Variants in PRKG1 observed in about 807,000 individuals in gnomAD.
PRKG1 encodes protein kinase cGMP-dependent 1.
Under a neutral mutation model 88.1 loss-of-function variants are expected in PRKG1, and 35 were observed. The ratio of observed to expected loss-of-function variants is 0.40; its 90% CI spans 0.30 to 0.53. The LOEUF is 0.53. Ranked by LOEUF, PRKG1 falls within the 20% of genes least tolerant of loss-of-function variation. The pLI, the probability that PRKG1 is intolerant of heterozygous loss-of-function variation, is 0.59. For synonymous variants in PRKG1, 303 were observed against 292.5 expected (o/e 1.04, Z -0.37); for missense variants, 540 against 839.8 (o/e 0.64, Z 4.41).
At chr10:51,701,068 G>A (rs530005193) in intron 3 of PRKG1, among the ~76,000 whole-genome samples, 79 of 152,052 alleles carry the variant, frequency 5.2e-4, no homozygotes, top group African/African-American at 1.8e-3. Context: ...TTTATAAGTC[G>A]AAATGTAATA....
At chr10:52,288,507 A>G (rs1265917512) in intron 14 of PRKG1, among the ~76,000 whole-genome samples, 1 of 152,146 alleles carries the variant, frequency 6.6e-6, no homozygotes, top group Non-Finnish European at 1.5e-5. Context: ...AGAAAGCAAG[A>G]GAAGAGCAGA....
intron 3 of PRKG1, among the ~76,000 whole-genome samples, chr10:51,586,060 C>A (rs551087433): frequency 1.8e-4 from 28 of 152,180 alleles, no homozygotes; most frequent in African/African-American, 6.3e-4. Flanking sequence ...ATCAATGATA[C>A]CCCAAGCCTC....
intron 12 of PRKG1, among the ~76,000 whole-genome samples, chr10:52,279,731 T>G (rs374748880): frequency 1.0e-3 from 152 of 152,282 alleles, no homozygotes; most frequent in African/African-American, 3.4e-3. Flanking sequence ...TATCATTTGT[T>G]GTACACTGTC....
At chr10:52,149,753 A>G (rs1490195047) in intron 8 of PRKG1, among the ~76,000 whole-genome samples, 3 of 152,176 alleles carry the variant, frequency 2.0e-5, no homozygotes, top group Admixed American at 2.0e-4. Context: ...GCATTTTGTT[A>G]TGGCAGCCTC....
At chr10:51,929,347 T>TC (rs1491184161) in intron 5 of PRKG1, among the ~76,000 whole-genome samples, 2 of 46,914 alleles carry the variant, frequency 4.3e-5, no homozygotes, top group Non-Finnish European at 1.2e-4. Flanking sequence ...AATTCCTTCC[T>TC]TTTTTTTTTT....
intron 5 of PRKG1, among the ~76,000 whole-genome samples, chr10:52,006,084 AAAAC>A (rs935190264): frequency 1.5e-4 from 13 of 88,148 alleles, no homozygotes; most frequent in African/African-American, 5.0e-4. Context: ...AAAAGAAAAC[AAAAC>A]AAACAAACAA....
At chr10:51,586,002 G>T (rs1367850692) in intron 3 of PRKG1, among the ~76,000 whole-genome samples, 1 of 152,060 alleles carries the variant, frequency 6.6e-6, no homozygotes, top group East Asian at 1.9e-4. Flanking sequence ...AGAGGACAAG[G>T]TTCAAAAGCT....
chr10:51,728,259 G>C (rs578080135), intron 3 of PRKG1, among the ~76,000 whole-genome samples: 4 of 151,990 alleles, frequency 2.6e-5, no homozygotes, highest in African/African-American at 9.6e-5. Flanking sequence ...GTTTGCAACT[G>C]TACTAAGATA....
intron 3 of PRKG1, among the ~76,000 whole-genome samples, chr10:51,689,162 T>A (rs1310948261): frequency 6.6e-6 from 1 of 152,142 alleles, no homozygotes; most frequent in Admixed American, 6.5e-5. Flanking sequence ...AGTTTCTGAG[T>A]CTGGGGTATG....
intron 2 of PRKG1, among the ~76,000 whole-genome samples, chr10:51,264,369 G>A (rs1394208760): frequency 6.6e-6 from 1 of 152,126 alleles, no homozygotes; most frequent in Non-Finnish European, 1.5e-5. Flanking sequence ...TTCATATATT[G>A]TGTACCATGT....
At chr10:52,104,810 T>C (rs903166963) in intron 7 of PRKG1, among the ~76,000 whole-genome samples, 16 of 152,178 alleles carry the variant, frequency 1.1e-4, no homozygotes, top group African/African-American at 3.4e-4. Flanking sequence ...CTGATAAAAA[T>C]AAGGCATATC....
chr10:50,991,584 A>G lies in PRKG1; in HGVS notation c.206A>G (p.Gln69Arg). The G allele has an allele frequency of 5.6e-6, 9 of 1,598,858 alleles. No homozygotes were observed. Among genetic ancestry groups the G allele is most frequent in the Non-Finnish European group, 7.7e-6 (9 of 1,173,718 alleles). The change falls in exon 1 of 18, where the codon CAG (glutamine) becomes CGG (arginine). Residue 69 changes from glutamine (Q) to arginine (R), a missense_variant. Coordinates refer to the PRKG1 transcript ENST00000401604. This position sits in a 1 kb window ranked among gnomAD's most constrained non-coding sequence, Gnocchi z 4.5. ...GCGCAGGGCATCTCGGCCGAGCCGC[A>G]GACGTACAGGTCCTTCCACGACCTC... is the stretch of plus-strand genomic sequence containing the variant.
At chr10:51,705,956 G>A (rs1157008975) in intron 3 of PRKG1, among the ~76,000 whole-genome samples, 1 of 152,172 alleles carries the variant, frequency 6.6e-6, no homozygotes, top group Non-Finnish European at 1.5e-5. Context: ...ACAAGTTATT[G>A]ACGCCTGGGC....
chr10:51,498,145 G>C (rs1840913609), intron 3 of PRKG1, among the ~76,000 whole-genome samples: 1 of 152,118 alleles, frequency 6.6e-6, no homozygotes, highest in Non-Finnish European at 1.5e-5. Context: ...CACTGTGCTG[G>C]CAATAAAGGC....
At chr10:52,068,072 G>A (rs1385968560) in intron 7 of PRKG1, among the ~76,000 whole-genome samples, 4 of 139,138 alleles carry the variant, frequency 2.9e-5, no homozygotes, top group Admixed American at 7.4e-5. Flanking sequence ...GCATGGTGGC[G>A]CGTGCCTGTA....
intron 1 of PRKG1, among the ~76,000 whole-genome samples, chr10:51,087,172 C>CT (rs1038808526): frequency 9.9e-5 from 15 of 151,944 alleles, no homozygotes; most frequent in African/African-American, 2.9e-4. Flanking sequence ...ATTAGGCTCA[C>CT]TTTTTTTTCT....
intron 3 of PRKG1, among the ~76,000 whole-genome samples, chr10:51,560,352 A>T (rs1837426688): frequency 6.6e-6 from 1 of 152,282 alleles, no homozygotes; most frequent in East Asian, 1.9e-4. Context: ...TTTCTAGAAC[A>T]TGTAAGAAAA....
At chr10:51,412,330 C>T (rs1033977483) in intron 2 of PRKG1, among the ~76,000 whole-genome samples, 10 of 151,916 alleles carry the variant, frequency 6.6e-5, no homozygotes, top group African/African-American at 2.4e-4. Flanking sequence ...TTTTCAGCAA[C>T]ATTGTGCTGA....
At chr10:51,408,894 T>C (rs1238382389) in intron 2 of PRKG1, among the ~76,000 whole-genome samples, 2 of 152,236 alleles carry the variant, frequency 1.3e-5, no homozygotes, top group African/African-American at 4.8e-5. Context: ...GATACAATGA[T>C]CTTCACAGTT....
Sources: gnomAD v4.1 joint callset for allele counts (sites outside exome capture counted in the v4.1 genomes callset) on GRCh38, gnomAD v4.1.1 for gene constraint, Gnocchi (gnomAD v3.1) non-coding constraint, MANE v1.5 for transcripts, NCBI Gene and HGNC (gene_info 2026-07-23, HGNC 2026-07-21) for gene names.